Variants in KLHDC4 observed in about 807,000 individuals in gnomAD.
KLHDC4 encodes the protein kelch domain-containing protein 4.
A neutral mutation model predicts 62.4 loss-of-function variants in KLHDC4; 90 were observed. That is an observed-to-expected ratio of 1.44 (90% confidence interval 1.22 to 1.72). The LOEUF (loss-of-function observed/expected upper bound fraction) is 1.72, where lower values mean the gene tolerates loss of function less well. Ranked by LOEUF, KLHDC4 falls within the 40% of genes most tolerant of loss-of-function variation. KLHDC4 has a pLI of 0.00. For missense variants in KLHDC4, 1,025 were observed against 699.7 expected (o/e 1.47, Z -5.25); for synonymous variants, 386 against 284.4 (o/e 1.36, Z -3.59).
At chr16:87,708,517 G>C (rs376881884) in intron 10 of KLHDC4, 51 bp from the exon 11 acceptor site, 9 of 1,427,102 alleles carry the variant, frequency 6.3e-6, no homozygotes, top group African/African-American at 1.4e-5. Flanking sequence ...TGAGGCAGGT[G>C]GGGGAGGCTG....
rs144766843 is a variant in KLHDC4 at position 87,727,834 on chromosome 16, T to A, written c.600-910A>T. On this transcript the variant is annotated intron_variant, in intron 6 of 11. Coordinates refer to ENST00000270583, the MANE Select transcript of KLHDC4 (RefSeq NM_017566.4). ...GGTTTTCTCCTGTTTGTTCCTGTTT[T>A]GTGTGAAGCAGGAAAAGTCACAGGG... is the stretch of plus-strand genomic sequence containing the variant. Among the ~76,000 whole-genome samples the A allele has an allele frequency of 4.1e-4, 63 of 152,302 alleles. No homozygotes were observed. In the East Asian group the frequency reaches 0.011, roughly 27 times the overall value.
intron 6 of KLHDC4, among the ~76,000 whole-genome samples, chr16:87,728,309 T>C (rs1178189211): frequency 6.6e-6 from 1 of 152,268 alleles, no homozygotes; most frequent in Non-Finnish European, 1.5e-5. Flanking sequence ...TGGAAGCGTG[T>C]AATCTTTAAA....
rs1009758673 is a variant in KLHDC4, at chr16:87,765,983, G to C, written c.-93C>G. On this transcript the variant is annotated 5_prime_UTR_variant, in exon 1 of 12. Transcript: ENST00000270583. ...AGGTGCTCGTGGGGCGGAGCTCGGC[G>C]CACAGAAATGGAGTCACTTCCGGCC... 2.3e-6 allele frequency: 3 copies of C among 1,283,914 alleles called. No homozygotes were observed. Among genetic ancestry groups the C allele is most frequent in the African/African-American group, 2.9e-5 (2 of 67,950 alleles). 79.5% of individuals were successfully genotyped at this position (1,283,914 alleles called of 1,614,324 possible). A position where few individuals can be genotyped will look rare whatever the true frequency, so the allele number is the denominator to read the frequency against.
intron 6 of KLHDC4, among the ~76,000 whole-genome samples, 159 bp from the exon 7 acceptor site, chr16:87,727,083 C>A (rs1009126089): frequency 2.0e-5 from 3 of 152,196 alleles, no homozygotes; most frequent in African/African-American, 7.2e-5. Flanking sequence ...ACAATCAACA[C>A]AGAAACGTGG....
At chr16:87,759,711 G>A (rs913656214) in intron 2 of KLHDC4, among the ~76,000 whole-genome samples, 1 of 152,226 alleles carries the variant, frequency 6.6e-6, no homozygotes, top group African/African-American at 2.4e-5. Context: ...TTGCACTCCA[G>A]CCTGGGCAAC....
chr16:87,760,560 T>C (rs997346696), intron 2 of KLHDC4, among the ~76,000 whole-genome samples: 1 of 130,900 alleles, frequency 7.6e-6, no homozygotes, highest in African/African-American at 3.0e-5. Context: ...TGAACCAAGA[T>C]GGCGCCACTG....
At chr16:87,721,122 A>T (rs891650828) in intron 7 of KLHDC4, among the ~76,000 whole-genome samples, 2 of 152,154 alleles carry the variant, frequency 1.3e-5, no homozygotes, top group African/African-American at 4.8e-5. Context: ...CTTCGCCATT[A>T]AAAAATACAC....
chr16:87,750,276 G>C (rs576421958), intron 4 of KLHDC4: 1 of 152,266 alleles, frequency 6.6e-6, no homozygotes, highest in Non-Finnish European at 1.5e-5. Context: ...GATGAGAAAA[G>C]CACGCTCCTA....
intron 2 of KLHDC4, among the ~76,000 whole-genome samples, chr16:87,758,254 G>A (rs187988581): frequency 2.0e-5 from 3 of 152,218 alleles, no homozygotes. Flanking sequence ...ACAGATACCT[G>A]TATGCAATGC....
At position 87,730,575 on chromosome 16, in the gene KLHDC4, A is replaced by G; in HGVS notation, c.576T>C (p.Phe192=). The G allele has an allele frequency of 3.7e-6, 6 of 1,613,108 alleles. No individual in the cohort carries two copies. Among genetic ancestry groups the G allele is most frequent in the South Asian group, 1.1e-5 (1 of 90,766 alleles). Residue 192 remains phenylalanine, a synonymous_variant, in exon 6 of 12, where the codon TTT becomes TTC. Transcript: ENST00000270583. Reference sequence around the variant, plus strand: ...ACCGTGTACTTTCATGGAAGCCACCAAACAGGATCAATTGTCTCTTCCAGG... The same window carrying G: ...ACCGTGTACTTTCATGGAAGCCACCGAACAGGATCAATTGTCTCTTCCAGG... ...MVAWKRQLIL[F]GGFHESTRDY... is the part of the protein sequence containing the mutation.
chr16:87,713,762 G>A (rs1412184599), intron 8 of KLHDC4, among the ~76,000 whole-genome samples: 5 of 152,224 alleles, frequency 3.3e-5, no homozygotes, highest in Non-Finnish European at 5.9e-5. Context: ...CCAGAGCCAT[G>A]TAAAGGGCTG....
In KLHDC4 at chr16:87,715,763, G is replaced by A. The variant is rs551522199; in HGVS notation, c.760-1190C>T. On this transcript the variant is annotated intron_variant, in intron 7 of 11. Coordinates refer to ENST00000270583, the MANE Select transcript of KLHDC4 (RefSeq NM_017566.4). ...ACTCATCACAGTGGATGCTGACATC[G>A]ACCGCCTGGCTGAGGTCGTGTCTGA... 9.2e-5 allele frequency among the ~76,000 whole-genome samples: 14 copies of A among 152,296 alleles called. No individual in the cohort carries two copies. The South Asian group carries it at 2.7e-3, about 29-fold the overall frequency.
chr16:87,713,393 T>A (rs2036281400), intron 8 of KLHDC4, among the ~76,000 whole-genome samples: 1 of 151,070 alleles, frequency 6.6e-6, no homozygotes, highest in African/African-American at 2.4e-5. Context: ...AGATGGTGTG[T>A]CACTATGTTG....
intron 2 of KLHDC4, 47 bp from the exon 3 acceptor site, chr16:87,756,524 C>T (rs2044943756): frequency 6.6e-6 from 9 of 1,363,192 alleles, no homozygotes; most frequent in Non-Finnish European, 9.4e-6. Flanking sequence ...CCCCGATACC[C>T]ACCTGAGCGC....
chr16:87,753,471 G>C (rs2044343544), intron 4 of KLHDC4, among the ~76,000 whole-genome samples: 1 of 152,156 alleles, frequency 6.6e-6, no homozygotes, highest in Non-Finnish European at 1.5e-5. Flanking sequence ...AATCACCTCA[G>C]GACAAAATGC....
chr16:87,750,255 C>G (rs1032913509), intron 4 of KLHDC4: 3 of 152,346 alleles, frequency 2.0e-5, no homozygotes, highest in Admixed American at 2.0e-4. Context: ...TAAGCAGTAG[C>G]TGGGGTCCAG....
chr16:87,707,502 A>G (rs2142896152), downstream of KLHDC4, among the ~76,000 whole-genome samples: 1 of 152,280 alleles, frequency 6.6e-6, no homozygotes, highest in South Asian at 2.1e-4. Flanking sequence ...CTTCACGTGA[A>G]TGAGAACCGG....
intron 9 of KLHDC4, 199 bp from the exon 10 acceptor site, chr16:87,709,866 T>TCGCC: frequency 1.6e-6 from 1 of 635,968 alleles, no homozygotes; most frequent in Non-Finnish European, 2.7e-6. Context: ...CCCACTAGCC[T>TCGCC]CGCCGTTCAC....
intron 9 of KLHDC4, 143 bp downstream of exon 9, chr16:87,711,092 A>G: frequency 2.8e-6 from 2 of 723,568 alleles, no homozygotes; most frequent in Non-Finnish European, 4.6e-6. Flanking sequence ...CAGGACAGTC[A>G]GAGACGGAAC....
Sources: gnomAD v4.1 joint callset for allele counts (sites outside exome capture counted in the v4.1 genomes callset) on GRCh38, gnomAD v4.1.1 for gene constraint, MANE v1.5 for transcripts, NCBI Gene and HGNC (gene_info 2026-07-23, HGNC 2026-07-21) for gene names.